Variants in GSTA2 observed in about 807,000 individuals in gnomAD.
GSTA2 encodes the protein glutathione S-transferase alpha 2.
In GSTA2, 27 loss-of-function variants were observed where a neutral mutation model predicts 22.4. The observed-to-expected ratio is 1.21, with a 90% CI of 0.89 to 1.67. The LOEUF (loss-of-function observed/expected upper bound fraction) is 1.67. Among genes scored for constraint, GSTA2 ranks in the 40% most tolerant of loss-of-function variants. The pLI, the probability that GSTA2 is intolerant of heterozygous loss-of-function variation, is 0.00. For synonymous variants in GSTA2, 121 were observed against 86.8 expected, an observed-to-expected ratio of 1.39 and a Z score of -2.19; for missense variants, 302 against 260.2, an observed-to-expected ratio of 1.16 and a Z score of -1.11.
intron 6 of GSTA2, 121 bp from the exon 7 acceptor site, chr6:52,750,820 G>T: frequency 2.4e-6 from 3 of 1,230,866 alleles, no homozygotes; most frequent in South Asian, 3.0e-5. Context: ...TTCCACTTGG[G>T]TGAAGGCAGA....
chr6:52,751,856 G>A, intron 5 of GSTA2, 148 bp from the exon 6 acceptor site: 2 of 1,131,526 alleles, frequency 1.8e-6, no homozygotes, highest in South Asian at 1.4e-5. Flanking sequence ...CACATTATCT[G>A]AATGAATGAG....
Position 52,751,645 on chromosome 6 carries a change from G to A in GSTA2, c.478C>T (p.Leu160=), listed in dbSNP as rs1475291085. Residue 160 remains leucine, a synonymous_variant, in exon 6 of 7, where the codon CTG becomes TTG. Coordinates refer to ENST00000493422, the MANE Select transcript of GSTA2 (RefSeq NM_000846.5). ...GNKLSRADIH[L]VELLYYVEEL... Reference sequence around the variant, plus strand: ...TCCACGTAGTAGAGAAGTTCCACCAGGTGAATGTCAGCCCGGCTCAGCTTG... The same window carrying A: ...TCCACGTAGTAGAGAAGTTCCACCAAGTGAATGTCAGCCCGGCTCAGCTTG... 1.7e-5 allele frequency: 27 copies of A among 1,614,040 alleles called. No homozygotes were observed. The highest frequency in any genetic ancestry group is 2.1e-5 in the Non-Finnish European group (25 of 1,180,022).
Position 52,751,581 on chromosome 6 carries a change from A to C in GSTA2, c.542T>G (p.Leu181Arg). The change falls in exon 6 of 7, where the codon CTG becomes CGG. Residue 181 changes from leucine to arginine, a missense_variant. Physicochemically the swap from Leu to Arg is moderately radical, Grantham distance 102. Coordinates refer to ENST00000493422, the MANE Select transcript of GSTA2 (RefSeq NM_000846.5). ...GAAGACTGTGAAATGGGTCACCTTCAGCAGAGGGAAGCTGGAAATAAGGCT... is the reference window on the plus strand; with the variant it reads ...GAAGACTGTGAAATGGGTCACCTTCCGCAGAGGGAAGCTGGAAATAAGGCT... Reference protein sequence around the residue: ...DSSLISSFPLLKALKTRISNL... With the variant: ...DSSLISSFPLRKALKTRISNL... The C allele has an allele frequency of 6.2e-7, 1 of 1,614,080 alleles. No homozygotes were observed. Among genetic ancestry groups the C allele is most frequent in the East Asian group, 2.2e-5 (1 of 44,864 alleles).
intron 1 of GSTA2, among the ~76,000 whole-genome samples, chr6:52,762,374 T>C (rs1214105593): frequency 6.6e-6 from 1 of 152,250 alleles, no homozygotes; most frequent in Non-Finnish European, 1.5e-5. Context: ...CCCAATTGTA[T>C]GTTCCATCTA....
At chr6:52,762,679 G>A (rs1762971723) in intron 1 of GSTA2, among the ~76,000 whole-genome samples, 1 of 152,078 alleles carries the variant, frequency 6.6e-6, no homozygotes, top group African/African-American at 2.4e-5. Context: ...GCTGAGCCCC[G>A]GTCCCCTGGA....
At chr6:52,756,902 G>A (rs141419878) in intron 2 of GSTA2, among the ~76,000 whole-genome samples, 2,696 of 151,848 alleles carry the variant, frequency 0.018, 85 homozygotes, top group African/African-American at 0.061. Flanking sequence ...AAGGAATTAG[G>A]GTCCCACACT....
chr6:52,754,858 A>G (rs1581773355), intron 4 of GSTA2, 85 bp downstream of exon 4: 2 of 1,577,090 alleles, frequency 1.3e-6, no homozygotes, highest in Non-Finnish European at 1.7e-6. Flanking sequence ...TGGTCTTGAT[A>G]CCCTGCCATG....
intron 5 of GSTA2, among the ~76,000 whole-genome samples, chr6:52,752,085 G>T (rs73740512): frequency 0.018 from 2,732 of 152,088 alleles, 88 homozygotes; most frequent in African/African-American, 0.061. Flanking sequence ...GCTGTCTCCC[G>T]CTCCAATCTC....
intron 2 of GSTA2, among the ~76,000 whole-genome samples, chr6:52,756,865 C>A (rs1222851444): frequency 6.6e-6 from 1 of 152,344 alleles, no homozygotes; most frequent in East Asian, 1.9e-4. Context: ...ACGTGAGACA[C>A]AATAGGGTAA....
chr6:52,751,823 A>G (rs1273722614), intron 5 of GSTA2, 115 bp from the exon 6 acceptor site: 18 of 1,459,070 alleles, frequency 1.2e-5, no homozygotes, highest in Admixed American at 5.3e-5. Context: ...TACTGCATGG[A>G]TGCAGAAATC....
chr6:52,760,699 A>G (rs910592197), intron 1 of GSTA2, among the ~76,000 whole-genome samples: 1 of 152,092 alleles, frequency 6.6e-6, no homozygotes, highest in African/African-American at 2.4e-5. Context: ...GTATTTTCCT[A>G]TTCAATGTAT....
chr6:52,761,749 C>A (rs1762953975), intron 1 of GSTA2, among the ~76,000 whole-genome samples: 2 of 150,494 alleles, frequency 1.3e-5, no homozygotes, highest in African/African-American at 4.8e-5. Context: ...GGACATTGAG[C>A]AAGGTCTAGA....
At position 52,754,967 on chromosome 6, in the gene GSTA2, C is replaced by T. The variant is rs774208953; in HGVS notation, c.248G>A (p.Gly83Glu). Residue 83 changes from glycine (G) to glutamate (E), a missense_variant, in exon 4 of 7, where the codon GGG becomes GAG. By Grantham distance (98) the Gly-to-Glu change is moderately conservative (BLOSUM62 -2). Transcript: ENST00000493422. The part of the protein sequence containing the change: ...NYIASKYNLY[G>E]KDIKEKALID... Reference sequence around the variant, plus strand: ...CAGGGCTTTCTCCTTTATGTCTTTCCCATAGAGGTTGTATTTGCTGGCAAT... The same window carrying T: ...CAGGGCTTTCTCCTTTATGTCTTTCTCATAGAGGTTGTATTTGCTGGCAAT... 1.2e-6 allele frequency: 2 copies of T among 1,613,940 alleles called. No homozygotes were observed. Among genetic ancestry groups the T allele is most frequent in the South Asian group, 2.2e-5 (2 of 91,074 alleles).
At chr6:52,760,634 C>T (rs769791571) in intron 1 of GSTA2, among the ~76,000 whole-genome samples, 1 of 152,172 alleles carries the variant, frequency 6.6e-6, no homozygotes, top group Non-Finnish European at 1.5e-5. Context: ...AGGTCCGGAG[C>T]TTTTCCACTC....
intron 3 of GSTA2, 139 bp from the exon 4 acceptor site, chr6:52,755,214 A>ATTT: frequency 1.1e-6 from 1 of 874,032 alleles, no homozygotes; most frequent in Non-Finnish European, 1.6e-6. Context: ...ACTTGAAACA[A>ATTT]CTTTTTTTTT....
chr6:52,752,820 T>C (rs376417930), intron 5 of GSTA2, 34 bp downstream of exon 5: 1 of 1,612,600 alleles, frequency 6.2e-7, no homozygotes, highest in East Asian at 2.2e-5. Flanking sequence ...GCTTCTAAAC[T>C]CAGTTCCCCA....
At chr6:52,750,797 C>G in intron 6 of GSTA2, 98 bp from the exon 7 acceptor site, 2 of 1,471,486 alleles carry the variant, frequency 1.4e-6, no homozygotes, top group South Asian at 2.6e-5. Flanking sequence ...CTGCCAAAGA[C>G]CAAGTGAGTC....
chr6:52,751,320 AT>A (rs2127284415), intron 6 of GSTA2, among the ~76,000 whole-genome samples: 1 of 152,334 alleles, frequency 6.6e-6, no homozygotes, highest in East Asian at 1.9e-4. Flanking sequence ...ATGGGGAGAC[AT>A]GCTGGGCCCT....
At chr6:52,758,529 A>G (rs760034069) in intron 1 of GSTA2, among the ~76,000 whole-genome samples, 4 of 152,168 alleles carry the variant, frequency 2.6e-5, no homozygotes, top group Non-Finnish European at 5.9e-5. Context: ...GGCCCTGGGA[A>G]CCCATGAACT....
Sources: gnomAD v4.1 joint callset for allele counts (sites outside exome capture counted in the v4.1 genomes callset) on GRCh38, gnomAD v4.1.1 for gene constraint, MANE v1.5 for transcripts, NCBI Gene and HGNC (gene_info 2026-07-23, HGNC 2026-07-21) for gene names.